Variants in ARID1B observed in about 807,000 individuals in gnomAD.
ARID1B encodes the protein AT-rich interactive domain-containing protein 1B.
Under a neutral mutation model 212.3 loss-of-function variants are expected in ARID1B, and 30 were observed. The observed-to-expected ratio is 0.14, with a 90% CI of 0.11 to 0.19. The LOEUF (loss-of-function observed/expected upper bound fraction) is 0.19. Among genes scored for constraint, ARID1B ranks in the 10% least tolerant of loss-of-function variants. The pLI, the probability that ARID1B is intolerant of heterozygous loss-of-function variation, is 1.00. For missense variants in ARID1B, 2,891 were observed against 3,204.0 expected, an observed-to-expected ratio of 0.90 and a Z score of 2.36; for synonymous variants, 1,402 against 1,301.7, an observed-to-expected ratio of 1.08 and a Z score of -1.66.
rs375067640 is a variant in ARID1B at position 156,787,475 on chromosome 6, ATTG to A, written c.1791+8007_1791+8009del. Among the ~76,000 whole-genome samples the A allele has an allele frequency of 4.4e-3, 677 of 152,316 alleles. 6 individuals carry two copies. The highest frequency in any genetic ancestry group is 0.016 in the African/African-American group (655 of 41,562). On this transcript the variant is annotated intron_variant, in intron 1 of 19. Coordinates refer to ENST00000636930, the MANE Select transcript of ARID1B (RefSeq NM_001374828.1). ...TATTTCATAGCCTTATATTGAAATG[ATTG>A]TTAATTCTAAAATTCATTTAGAAGC...
chr6:156,853,470 G>T (rs959276722), intron 2 of ARID1B, among the ~76,000 whole-genome samples: 13 of 152,138 alleles, frequency 8.5e-5, no homozygotes, highest in African/African-American at 3.1e-4. Flanking sequence ...CACCCTGTAG[G>T]AGCAGTAGCT....
In ARID1B at chr6:156,896,576, CAAAAA is replaced by C. The variant is rs72490811; in HGVS notation, c.1987-4780_1987-4776del. 1.5e-4 allele frequency among the ~76,000 whole-genome samples: 7 copies of C among 45,912 alleles called. No homozygotes were observed. In the South Asian group the frequency reaches 3.3e-3, roughly 22 times the overall value. The allele number at this position is 45,912 out of a possible 152,430, so 30.1% of individuals were successfully genotyped here. A position where few individuals can be genotyped will look rare whatever the true frequency, so the allele number is the denominator to read the frequency against. On this transcript the variant is annotated intron_variant, in intron 2 of 19. Transcript: ENST00000636930. ...GGGCAACAAGAGCAAAACTGCGTCT[CAAAAA>C]AAAAAAAAAAAAAAAAAAAGAGGAC...
chr6:157,150,159 GC>G, intron 8 of ARID1B: 2 of 152,116 alleles, frequency 1.3e-5, no homozygotes, highest in Admixed American at 6.6e-5. Context: ...AACTCATAAA[GC>G]GCAAGTTATT....
intron 4 of ARID1B, chr6:157,036,791 G>T: frequency 2.0e-6 from 1 of 488,168 alleles, no homozygotes; most frequent in East Asian, 4.8e-5. Context: ...GACTCAAAGA[G>T]GTTTTTGATA....
intron 4 of ARID1B, among the ~76,000 whole-genome samples, chr6:157,034,697 C>T (rs1781215038): frequency 1.3e-5 from 2 of 152,156 alleles, no homozygotes; most frequent in African/African-American, 4.8e-5. Flanking sequence ...CTCTTAGACT[C>T]AGCGTGAAAA....
Position 157,189,847 on chromosome 6 carries a change from A to G in ARID1B, c.4058+67A>G, listed in dbSNP as rs1401893129. 6 of 1,604,554 alleles carry G rather than the reference A, an allele frequency of 3.7e-6. No individual in the cohort carries two copies. The African/African-American group carries it at 6.7e-5, about 18-fold the overall frequency. On this transcript the variant is annotated intron_variant, in intron 14 of 19. Coordinates refer to ENST00000636930, the MANE Select transcript of ARID1B (RefSeq NM_001374828.1). The stretch of plus-strand genomic sequence containing the variant: ...GTTCATCTTTTAGTTTTCTGGGGCA[A>G]ACTTCACAGAGAGAAGAAATGGTAT...
At chr6:156,877,068 T>C (rs1786622607) in intron 2 of ARID1B, among the ~76,000 whole-genome samples, 2 of 151,498 alleles carry the variant, frequency 1.3e-5, no homozygotes, top group African/African-American at 4.9e-5. Flanking sequence ...TGCATTTTTC[T>C]GGCCAATATA....
intron 4 of ARID1B, among the ~76,000 whole-genome samples, chr6:157,039,448 A>C (rs1781571397): frequency 6.7e-6 from 1 of 149,286 alleles, no homozygotes; most frequent in Non-Finnish European, 1.5e-5. Context: ...CTCCTGCCTC[A>C]GCCTCCCGAG....
At chr6:157,001,758 C>T (rs542582423) in intron 4 of ARID1B, among the ~76,000 whole-genome samples, 1 of 152,198 alleles carries the variant, frequency 6.6e-6, no homozygotes, top group South Asian at 2.1e-4. Context: ...TGCCCTTGGC[C>T]GATTGACTCA....
intron 1 of ARID1B, among the ~76,000 whole-genome samples, chr6:156,826,533 A>G (rs952662402): frequency 1.3e-5 from 2 of 152,234 alleles, no homozygotes; most frequent in Non-Finnish European, 2.9e-5. Context: ...CCAAATCTTT[A>G]AAGTGAACAC....
chr6:156,846,066 T>A (rs533324150), intron 2 of ARID1B, among the ~76,000 whole-genome samples: 26 of 152,214 alleles, frequency 1.7e-4, no homozygotes, highest in Non-Finnish European at 3.5e-4. Context: ...TGGGATTCTT[T>A]TTGAAGGGCT....
At chr6:156,808,715 T>G (rs1411313507) in intron 1 of ARID1B, among the ~76,000 whole-genome samples, 1 of 152,272 alleles carries the variant, frequency 6.6e-6, no homozygotes, top group Non-Finnish European at 1.5e-5. Flanking sequence ...TTATCTGTAT[T>G]GTTTAATAAG....
At chr6:156,880,609 C>T (rs1384795814) in intron 2 of ARID1B, among the ~76,000 whole-genome samples, 1 of 151,914 alleles carries the variant, frequency 6.6e-6, no homozygotes. Flanking sequence ...CGTGGTGGCG[C>T]ATGCCTGTAA....
intron 4 of ARID1B, 36 bp from the exon 5 acceptor site, chr6:157,084,626 C>G (rs769006444): frequency 1.9e-6 from 3 of 1,599,370 alleles, no homozygotes; most frequent in Non-Finnish European, 2.6e-6. Flanking sequence ...TTCATCCAAA[C>G]GTGTCACTCT....
At chr6:157,045,293 G>A (rs374360419) in intron 4 of ARID1B, among the ~76,000 whole-genome samples, 227 of 152,278 alleles carry the variant, frequency 1.5e-3, no homozygotes, top group African/African-American at 5.2e-3. Context: ...TTTGGATTTA[G>A]AGTGTTTAGT....
chr6:156,981,716 T>A (rs1482877168), intron 4 of ARID1B, among the ~76,000 whole-genome samples: 2 of 152,214 alleles, frequency 1.3e-5, no homozygotes, highest in African/African-American at 4.8e-5. Flanking sequence ...TTCTTAACTC[T>A]TGTTCACTAA....
At chr6:157,112,504 T>C (rs1323103224) in intron 6 of ARID1B, among the ~76,000 whole-genome samples, 1 of 152,222 alleles carries the variant, frequency 6.6e-6, no homozygotes, top group East Asian at 1.9e-4. Flanking sequence ...GTAACATCAC[T>C]CTCACTGGTA....
In ARID1B at chr6:157,207,346, A is replaced by G. The variant is rs1281161603; in HGVS notation, c.6574A>G (p.Thr2192Ala). ...TGCAGAGGCACAAGATCCCTTTCCA[A>G]CTGTGGGACCCAACTCGGTCCTGTC... ...PSAEAQDPFP[T>A]VGPNSVLSPQ... is the part of the protein sequence containing the mutation. The change falls in exon 20 of 20, where the codon ACT (threonine) becomes GCT (alanine). Residue 2192 changes from threonine (T) to alanine (A), a missense_variant. Coordinates refer to ENST00000636930, the MANE Select transcript of ARID1B (RefSeq NM_001374828.1). This position sits in a 1 kb window ranked among gnomAD's most constrained non-coding sequence, Gnocchi z 8.5. 1 of 1,614,138 alleles carries G rather than the reference A, an allele frequency of 6.2e-7. No homozygotes were observed. Among genetic ancestry groups the G allele is most frequent in the East Asian group, 2.2e-5 (1 of 44,880 alleles).
At chr6:156,853,511 T>A (rs1784715289) in intron 2 of ARID1B, among the ~76,000 whole-genome samples, 1 of 151,990 alleles carries the variant, frequency 6.6e-6, no homozygotes, top group Non-Finnish European at 1.5e-5. Context: ...TTTTTTCTCC[T>A]CCCACGTGTG....
Sources: gnomAD v4.1 joint callset for allele counts (sites outside exome capture counted in the v4.1 genomes callset) on GRCh38, gnomAD v4.1.1 for gene constraint, Gnocchi (gnomAD v3.1) non-coding constraint, MANE v1.5 for transcripts, NCBI Gene and HGNC (gene_info 2026-07-23, HGNC 2026-07-21) for gene names.